The following CPED1 variants were observed in gnomAD, a reference collection of about 807,000 sequenced individuals.
CPED1 encodes the protein cadherin-like and PC-esterase domain-containing protein 1.
CPED1 carries 114 observed loss-of-function variants against 128.2 expected under a neutral mutation model. The observed-to-expected ratio is 0.89, with a 90% CI of 0.76 to 1.04. CPED1 has a LOEUF of 1.04. Ranked by LOEUF, CPED1 falls within the 50% of genes least tolerant of loss-of-function variation. CPED1 has a pLI of 0.00. For missense variants in CPED1, 1,211 were observed against 1,207.1 expected (o/e 1.00, Z -0.05); for synonymous variants, 462 against 426.7 (o/e 1.08, Z -1.02).
At chr7:121,170,603 T>C (rs1157300830) in intron 16 of CPED1, among the ~76,000 whole-genome samples, 2 of 152,286 alleles carry the variant, frequency 1.3e-5, no homozygotes, top group East Asian at 3.9e-4. Context: ...CTGATTAAAA[T>C]AGATATCTTC....
intron 16 of CPED1, among the ~76,000 whole-genome samples, chr7:121,191,245 G>A (rs1401593412): frequency 1.3e-5 from 2 of 152,062 alleles, no homozygotes; most frequent in Non-Finnish European, 2.9e-5. Context: ...AAAGGGCAAC[G>A]TTTTTAGAGT....
In CPED1 at chr7:121,015,649, T is replaced by C; in HGVS notation, c.250-16T>C. ...ACTACTTTTTTATATTGAATTTTTA[T>C]GCCTTCTTTTCTTAGGTCAAAGAAT... On this transcript the variant is annotated splice_polypyrimidine_tract_variant and intron_variant, in intron 2 of 22. Transcript: ENST00000310396. 1 of 1,589,370 alleles carries C rather than the reference T, an allele frequency of 6.3e-7. No homozygotes were observed.
chr7:121,233,095 T>C (rs752731991), intron 16 of CPED1, among the ~76,000 whole-genome samples: 3 of 152,102 alleles, frequency 2.0e-5, no homozygotes, highest in Non-Finnish European at 4.4e-5. Context: ...ATGATTCCGG[T>C]TAGTTACTCT....
chr7:121,268,514 G>A (rs572878655), intron 21 of CPED1, among the ~76,000 whole-genome samples: 1 of 152,138 alleles, frequency 6.6e-6, no homozygotes, highest in East Asian at 1.9e-4. Context: ...AGGAAAAGGG[G>A]GATAATTGCA....
At chr7:121,219,351 G>A (rs566876610) in intron 16 of CPED1, among the ~76,000 whole-genome samples, 1 of 152,050 alleles carries the variant, frequency 6.6e-6, no homozygotes, top group South Asian at 2.1e-4. Context: ...AATACAGGGT[G>A]TCTTTCAGAA....
chr7:121,021,077 A>C (rs1792426621), intron 3 of CPED1, among the ~76,000 whole-genome samples: 1 of 151,944 alleles, frequency 6.6e-6, no homozygotes, highest in Non-Finnish European at 1.5e-5. Flanking sequence ...TTGTATTGAA[A>C]TTAAACTTGA....
At chr7:121,077,817 CTTTA>C (rs1306638681) in intron 5 of CPED1, among the ~76,000 whole-genome samples, 4 of 151,174 alleles carry the variant, frequency 2.6e-5, no homozygotes, top group Non-Finnish European at 4.4e-5. Context: ...TGTCTTTTAC[CTTTA>C]TTTATGGTAT....
intron 5 of CPED1, 151 bp from the exon 6 acceptor site, chr7:121,097,548 T>C (rs373940536): frequency 3.8e-6 from 3 of 783,226 alleles, no homozygotes; most frequent in Non-Finnish European, 6.2e-6. Context: ...GCATTCATAC[T>C]TAGTGGATCC....
intron 10 of CPED1, among the ~76,000 whole-genome samples, chr7:121,127,539 CTTTT>C (rs67688816): frequency 7.4e-6 from 1 of 134,884 alleles, no homozygotes; most frequent in Non-Finnish European, 1.6e-5. Flanking sequence ...CTTTTTCTTT[CTTTT>C]TTTTTTTTTT....
At chr7:121,231,730 T>C (rs1471735913) in intron 16 of CPED1, among the ~76,000 whole-genome samples, 3 of 151,758 alleles carry the variant, frequency 2.0e-5, no homozygotes, top group African/African-American at 7.3e-5. Flanking sequence ...TAGACACAAA[T>C]TGAAAGAGTT....
intron 22 of CPED1, among the ~76,000 whole-genome samples, chr7:121,285,478 A>T (rs1483851772): frequency 1.3e-5 from 2 of 152,070 alleles, no homozygotes; most frequent in South Asian, 2.1e-4. Context: ...TCAGCTGCAA[A>T]TTTTTTAAAC....
chr7:121,212,921 TATGAGTGACCCTGC>T (rs1797679203), intron 16 of CPED1, among the ~76,000 whole-genome samples: 1 of 152,004 alleles, frequency 6.6e-6, no homozygotes, highest in Non-Finnish European at 1.5e-5. Flanking sequence ...GTGGAAATTA[TATGAGTGACCCTGC>T]ATGAAGTGGA....
chr7:121,104,240 G>A lies in CPED1; in HGVS notation c.918+4146G>A, dbSNP rs1327861313. ...ATTTTAAAATGTCTTCCCTTAAAAA[G>A]CTCTTAATTATAAAACTTCAGTTTG... On this transcript the variant is annotated intron_variant, in intron 7 of 22. Coordinates refer to ENST00000310396, the MANE Select transcript of CPED1 (RefSeq NM_024913.5). Among the ~76,000 whole-genome samples, 6 of 152,114 alleles carry A rather than the reference G, an allele frequency of 3.9e-5. No individual in the cohort carries two copies. The East Asian group carries it at 1.2e-3, about 29-fold the overall frequency.
chr7:121,087,672 T>G (rs1041106197), intron 5 of CPED1, among the ~76,000 whole-genome samples: 9 of 147,806 alleles, frequency 6.1e-5, no homozygotes, highest in Non-Finnish European at 4.5e-5. Context: ...TTCCTGTTTT[T>G]TTTTTTTTGG....
chr7:121,279,458 C>T (rs114488725), intron 22 of CPED1, among the ~76,000 whole-genome samples: 1,996 of 134,356 alleles, frequency 0.015, 50 homozygotes, highest in African/African-American at 0.052. Context: ...CACCCCCCGC[C>T]ACAAAGAAAA....
intron 5 of CPED1, among the ~76,000 whole-genome samples, chr7:121,081,952 C>T: frequency 6.6e-6 from 1 of 152,164 alleles, no homozygotes; most frequent in East Asian, 1.9e-4. Context: ...AGGGCCTTTT[C>T]ATGGCGCATT....
intron 5 of CPED1, among the ~76,000 whole-genome samples, chr7:121,086,998 C>CAT (rs1352401437): frequency 6.6e-6 from 1 of 152,216 alleles, no homozygotes; most frequent in African/African-American, 2.4e-5. Context: ...TTGAGCCAGG[C>CAT]ATAGCAGGGG....
intron 5 of CPED1, chr7:121,083,788 G>T: frequency 6.6e-6 from 1 of 152,312 alleles, no homozygotes; most frequent in Non-Finnish European, 1.5e-5. Flanking sequence ...AGACCAGATT[G>T]AGCACTTTCA....
chr7:121,114,259 A>C (rs1795180749), intron 7 of CPED1, among the ~76,000 whole-genome samples: 1 of 152,206 alleles, frequency 6.6e-6, no homozygotes, highest in South Asian at 2.1e-4. Context: ...TGGGACTCAG[A>C]TCTCCAGTGA....
Sources: gnomAD v4.1 joint callset for allele counts (sites outside exome capture counted in the v4.1 genomes callset) on GRCh38, gnomAD v4.1.1 for gene constraint, MANE v1.5 for transcripts, NCBI Gene and HGNC (gene_info 2026-07-23, HGNC 2026-07-21) for gene names.